The following CTXND2 variants were observed in gnomAD, a reference collection of about 807,000 sequenced individuals.
CTXND2 encodes cortexin domain containing 2.
intron 1 of CTXND2, among the ~76,000 whole-genome samples, chr1:150,896,944 G>C (rs1011995150): frequency 6.6e-6 from 1 of 152,098 alleles, no homozygotes; most frequent in Non-Finnish European, 1.5e-5. Context: ...CCTAGAAGTT[G>C]AATATAGAGG....
At chr1:150,895,042 C>CAT (rs1255735511) in intron 1 of CTXND2, among the ~76,000 whole-genome samples, 152 of 151,150 alleles carry the variant, frequency 1.0e-3, no homozygotes, top group African/African-American at 3.2e-3. Flanking sequence ...CTCAAAAAAA[C>CAT]ATATATATAT....
chr1:150,907,168 A>G (rs1669162734), intron 1 of CTXND2, among the ~76,000 whole-genome samples: 1 of 152,240 alleles, frequency 6.6e-6, no homozygotes. Flanking sequence ...AAGGTTTTAC[A>G]AAAACCAGCT....
chr1:150,900,329 C>T (rs587600338), intron 1 of CTXND2, among the ~76,000 whole-genome samples: 4 of 151,834 alleles, frequency 2.6e-5, no homozygotes, highest in East Asian at 1.9e-4. Context: ...GGCTTCACTC[C>T]TAAAGTCAAG....
intron 1 of CTXND2, among the ~76,000 whole-genome samples, chr1:150,888,125 T>A: frequency 6.6e-6 from 1 of 152,038 alleles, no homozygotes; most frequent in East Asian, 1.9e-4. Context: ...GCTCTACCAT[T>A]TTTGAAAGTG....
At chr1:150,908,747 C>G (rs1211400195) in intron 1 of CTXND2, among the ~76,000 whole-genome samples, 1 of 151,606 alleles carries the variant, frequency 6.6e-6, no homozygotes, top group African/African-American at 2.4e-5. Context: ...CTCAGCCTCT[C>G]CAGTAGCTAG....
chr1:150,894,613 T>C (rs1668890598), intron 1 of CTXND2, among the ~76,000 whole-genome samples: 1 of 152,228 alleles, frequency 6.6e-6, no homozygotes, highest in East Asian at 1.9e-4. Context: ...ATTTCTCACA[T>C]GCATATATCA....
chr1:150,905,065 CACA>C (rs748167814), intron 1 of CTXND2, among the ~76,000 whole-genome samples: 111 of 42,758 alleles, frequency 2.6e-3, no homozygotes, highest in Admixed American at 6.1e-3. Flanking sequence ...AAGAAAACCA[CACA>C]CACACACACA....
chr1:150,912,238 C>T lies in CTXND2; in HGVS notation c.-73-4C>T. The T allele has an allele frequency of 2.5e-6, 1 of 398,006 alleles. No homozygotes were observed. Among genetic ancestry groups the T allele is most frequent in the Non-Finnish European group, 4.4e-6 (1 of 225,998 alleles). The allele number at this position is 398,006 out of a possible 1,614,324, so 24.7% of individuals were successfully genotyped here. A position where few individuals can be genotyped will look rare whatever the true frequency, so the allele number is the denominator to read the frequency against. On this transcript the variant is annotated splice_region_variant and splice_polypyrimidine_tract_variant and intron_variant, in intron 1 of 1. Coordinates refer to ENST00000636087, the Ensembl canonical transcript of CTXND2. The stretch of plus-strand genomic sequence containing the variant: ...ATAAGCCTGTTTTATCCTCCTTTGT[C>T]TAGGAATATGACAAATCTGAAGCTA...
intron 1 of CTXND2, among the ~76,000 whole-genome samples, chr1:150,898,798 C>T (rs1272131642): frequency 1.3e-5 from 2 of 149,230 alleles, no homozygotes; most frequent in African/African-American, 4.9e-5. Context: ...GGCGGGGGGC[C>T]CGGGCACGGT....
At chr1:150,893,878 T>C (rs938873173) in intron 1 of CTXND2, among the ~76,000 whole-genome samples, 1 of 152,084 alleles carries the variant, frequency 6.6e-6, no homozygotes, top group Non-Finnish European at 1.5e-5. Flanking sequence ...ATTGCAAAAA[T>C]TCAAAAAATT....
chr1:150,905,847 G>A lies in CTXND2; in HGVS notation c.-73-6395G>A, dbSNP rs182903927. 5.0e-3 allele frequency among the ~76,000 whole-genome samples: 765 copies of A among 152,122 alleles called. 28 individuals carry two copies. Among genetic ancestry groups the A allele is most frequent in the Admixed American group, 0.042 (645 of 15,258 alleles). On this transcript the variant is annotated intron_variant, in intron 1 of 1. Transcript: ENST00000636087. ...TTACTAAAAATACAAAAAATTAGCC[G>A]GGTGTGGTGGCAGGCACCTGTAGTC...
intron 1 of CTXND2, among the ~76,000 whole-genome samples, chr1:150,900,264 G>C (rs1391748625): frequency 4.0e-5 from 6 of 151,670 alleles, no homozygotes; most frequent in African/African-American, 7.3e-5. Context: ...CGAGAGGAAC[G>C]AACAACTCCG....
At chr1:150,889,180 C>T (rs747702431) in intron 1 of CTXND2, among the ~76,000 whole-genome samples, 2 of 151,964 alleles carry the variant, frequency 1.3e-5, no homozygotes, top group East Asian at 3.9e-4. Flanking sequence ...GAAGCCGAAG[C>T]GGGCGGATCA....
rs587677027 is a variant in CTXND2, at chr1:150,909,007, AG to A, written c.-73-3229del. On this transcript the variant is annotated intron_variant, in intron 1 of 1. Transcript: ENST00000636087. ...GTAATCCCAGCACTTTGGGAGGCCA[AG>A]GGGGGCAGATCACCTGAGGTCAGGA... Among the ~76,000 whole-genome samples, 402 of 151,464 alleles carry A rather than the reference AG, an allele frequency of 2.7e-3. 2 individuals carry two copies. The highest frequency in any genetic ancestry group is 9.1e-3 in the African/African-American group (378 of 41,386).
chr1:150,900,834 T>TA (rs984959411), intron 1 of CTXND2, among the ~76,000 whole-genome samples: 6 of 152,002 alleles, frequency 3.9e-5, no homozygotes, highest in Admixed American at 6.6e-5. Context: ...ATATAACTGT[T>TA]AAAAAAACAA....
At chr1:150,911,221 TA>T in intron 1 of CTXND2, among the ~76,000 whole-genome samples, 1 of 152,078 alleles carries the variant, frequency 6.6e-6, no homozygotes. Context: ...GTGCTGGGAT[TA>T]CAGGCGTGAG....
intron 1 of CTXND2, among the ~76,000 whole-genome samples, chr1:150,910,421 C>T (rs59628713): frequency 6.6e-6 from 1 of 151,944 alleles, no homozygotes; most frequent in Admixed American, 6.6e-5. Flanking sequence ...TGAGCCACCA[C>T]GCCCAGCAAG....
intron 1 of CTXND2, among the ~76,000 whole-genome samples, chr1:150,905,692 G>GT (rs2102602237): frequency 6.6e-6 from 1 of 151,972 alleles, no homozygotes; most frequent in African/African-American, 2.4e-5. Context: ...TCCCACCACA[G>GT]TATATATAAA....
chr1:150,906,328 T>C (rs587764607), intron 1 of CTXND2, among the ~76,000 whole-genome samples: 1 of 151,802 alleles, frequency 6.6e-6, no homozygotes, highest in Admixed American at 6.6e-5. Context: ...ACAAAAAGAA[T>C]GAACTGGGAG....
Sources: gnomAD v4.1 joint callset for allele counts (sites outside exome capture counted in the v4.1 genomes callset) on GRCh38, gnomAD v4.1.1 for gene constraint, MANE v1.5 for transcripts, NCBI Gene and HGNC (gene_info 2026-07-23, HGNC 2026-07-21) for gene names.